The following HIBCH variants were observed in gnomAD, a reference collection of about 807,000 sequenced individuals.
HIBCH encodes 3-hydroxyisobutyryl-CoA hydrolase, mitochondrial.
HIBCH carries 50 observed loss-of-function variants against 58.2 expected under a neutral mutation model. The ratio of observed to expected loss-of-function variants is 0.86; its 90% CI spans 0.68 to 1.09. The LOEUF (loss-of-function observed/expected upper bound fraction) is 1.09, where lower values mean the gene tolerates loss of function less well. HIBCH is among the 50% of genes least tolerant of loss of function. HIBCH has a pLI of 0.00. For missense variants in HIBCH, 450 were observed against 449.7 expected (o/e 1.00, Z -0.01); for synonymous variants, 151 against 146.9 (o/e 1.03, Z -0.20).
Position 190,245,203 on chromosome 2 carries a change from A to G in HIBCH, c.810-235T>C, listed in dbSNP as rs1686571168. 2.0e-5 allele frequency: 9 copies of G among 456,314 alleles called. 1 individual carries two copies. The highest frequency in any genetic ancestry group is 1.9e-4 in the South Asian group (8 of 42,134). 28.3% of individuals were successfully genotyped at this position (456,314 alleles called of 1,614,324 possible). On this transcript the variant is annotated intron_variant, in intron 10 of 13. Coordinates refer to ENST00000359678, the MANE Select transcript of HIBCH (RefSeq NM_014362.4). ...TTTTATTTTTTCTTTTGCATCTGTT[A>G]TATTTCCATGTAAAGAAACAATTCA...
chr2:190,193,504 G>T (rs1318670380), intron 1 of HIBCH, among the ~76,000 whole-genome samples: 2 of 152,072 alleles, frequency 1.3e-5, no homozygotes, highest in African/African-American at 4.8e-5. Context: ...AATGGCCTTG[G>T]TAAGAGTTCT....
intron 8 of HIBCH, chr2:190,251,477 A>C (rs757589605): frequency 1.2e-5 from 5 of 413,012 alleles, no homozygotes; most frequent in African/African-American, 4.3e-5. Context: ...GGGAATTCTG[A>C]GGCAAAACTA....
At chr2:190,250,922 T>G (rs75203173) in intron 8 of HIBCH, among the ~76,000 whole-genome samples, 13 of 152,200 alleles carry the variant, frequency 8.5e-5, no homozygotes, top group Non-Finnish European at 1.9e-4. Context: ...TTTACTTCAA[T>G]GGCCAAAGAG....
intron 11 of HIBCH, chr2:190,220,386 C>T (rs893645755): frequency 1.3e-5 from 2 of 152,106 alleles, no homozygotes; most frequent in African/African-American, 4.8e-5. Context: ...ATGGATAGAA[C>T]AGTATCTTAC....
At chr2:190,280,840 C>T (rs1300699316) in intron 6 of HIBCH, 1 of 152,182 alleles carries the variant, frequency 6.6e-6, no homozygotes, top group Admixed American at 6.5e-5. Flanking sequence ...TCTCAAGTTG[C>T]TTGCTTGGCC....
At chr2:190,237,449 GTAAT>G (rs1338684650) in intron 11 of HIBCH, among the ~76,000 whole-genome samples, 2 of 152,142 alleles carry the variant, frequency 1.3e-5, no homozygotes, top group Non-Finnish European at 2.9e-5. Context: ...AGTTTATTCA[GTAAT>G]TAATATGCAT....
chr2:190,252,272 GC>G lies in HIBCH; in HGVS notation c.552del (p.Leu184PhefsTer14). ...TAACCAAGTTTTCCTTGGAGTCGTG[GC>G]AAGAAATAACCTCCACCCACATCAG... Reference protein sequence around the residue: ...LFPDVGGGYFLPRLQGKLGYF... With the variant: ...LFPDVGGGYFXPRLQGKLGYF... On this transcript the variant is annotated frameshift_variant, in exon 8 of 14. Coordinates refer to ENST00000359678, the MANE Select transcript of HIBCH (RefSeq NM_014362.4). LOFTEE classifies it high-confidence loss of function. 6.2e-7 allele frequency: 1 copy of G among 1,613,294 alleles called. No homozygotes were observed. The highest frequency in any genetic ancestry group is 1.1e-5 in the South Asian group (1 of 91,066).
rs1009954124 is a variant in HIBCH at position 190,306,483 on chromosome 2, A to G, written c.78+4271T>C. Among the ~76,000 whole-genome samples, 1 of 152,092 alleles carries G rather than the reference A, an allele frequency of 6.6e-6. No individual in the cohort carries two copies. The highest frequency in any genetic ancestry group is 1.5e-5 in the Non-Finnish European group (1 of 67,996). ...AGCAGACTTATTTACAGCTTACTAA[A>G]ACCAGCAGGTTTCCCAAATTGCATG... is the stretch of plus-strand genomic sequence containing the variant. On this transcript the variant is annotated intron_variant, in intron 2 of 13. Coordinates refer to ENST00000359678, the MANE Select transcript of HIBCH (RefSeq NM_014362.4). This position sits in a 1 kb window ranked among gnomAD's most constrained non-coding sequence, Gnocchi z 4.6.
At position 190,315,040 on chromosome 2, in the gene HIBCH, C is replaced by T. The variant is rs1688680179; in HGVS notation, c.36-4244G>A. Among the ~76,000 whole-genome samples, 1 of 151,844 alleles carries T rather than the reference C, an allele frequency of 6.6e-6. No individual in the cohort carries two copies. Among genetic ancestry groups the T allele is most frequent in the Non-Finnish European group, 1.5e-5 (1 of 67,962 alleles). ...TCGGCTCACTGCAGGCTCTGCCTTC[C>T]GGGTTCACGCCATTCTCCTGCCTCA... is the stretch of plus-strand genomic sequence containing the variant. On this transcript the variant is annotated intron_variant, in intron 1 of 13. Coordinates refer to ENST00000359678, the MANE Select transcript of HIBCH (RefSeq NM_014362.4). The surrounding 1 kb of genome is among the most constrained non-coding windows in gnomAD (Gnocchi z 5.4).
At chr2:190,203,552 A>G (rs1424964470), downstream of HIBCH, 2 of 155,658 alleles carry the variant, frequency 1.3e-5, no homozygotes, top group African/African-American at 4.8e-5. Context: ...TTTTTTAACA[A>G]TATAAAAGAC....
intron 11 of HIBCH, among the ~76,000 whole-genome samples, chr2:190,237,518 T>C (rs1221960146): frequency 1.3e-5 from 2 of 152,178 alleles, no homozygotes; most frequent in African/African-American, 4.8e-5. Context: ...AACATGTAAA[T>C]ATAAGCATTT....
At chr2:190,208,834 A>C in intron 13 of HIBCH, 46 bp downstream of exon 13, 1 of 1,564,622 alleles carries the variant, frequency 6.4e-7, no homozygotes, top group Admixed American at 1.7e-5. Context: ...GCATATGCTC[A>C]CAAATCCCAT....
intron 10 of HIBCH, chr2:190,245,198 CTGTTA>C (rs1575720639): frequency 2.1e-6 from 1 of 473,640 alleles, no homozygotes; most frequent in South Asian, 2.3e-5. Context: ...TCTTTTGCAT[CTGTTA>C]TATTTCCATG....
At position 190,246,153 on chromosome 2, in the gene HIBCH, C is replaced by T. The variant is rs143746450; in HGVS notation, c.809+1G>A. ...TATAACTGAGATCTCTTTTTAGGTA[C>T]CTGTTTATTTTGTCCATGTGTTCCT... is the stretch of plus-strand genomic sequence containing the variant. On this transcript the variant is annotated splice_donor_variant, in intron 10 of 13. Coordinates refer to ENST00000359678, the MANE Select transcript of HIBCH (RefSeq NM_014362.4). LOFTEE classifies it high-confidence loss of function. 3.2e-5 allele frequency: 49 copies of T among 1,544,988 alleles called. No individual in the cohort carries two copies. Among genetic ancestry groups the T allele is most frequent in the Non-Finnish European group, 4.2e-5 (47 of 1,118,314 alleles).
intron 9 of HIBCH, among the ~76,000 whole-genome samples, chr2:190,249,130 T>C (rs1382282218): frequency 1.3e-5 from 2 of 152,198 alleles, no homozygotes; most frequent in African/African-American, 2.4e-5. Context: ...CCTTTTCTTA[T>C]TCACTTATTA....
At chr2:190,282,385 A>G (rs1220720441) in intron 6 of HIBCH, among the ~76,000 whole-genome samples, 1 of 152,256 alleles carries the variant, frequency 6.6e-6, no homozygotes, top group African/African-American at 2.4e-5. Flanking sequence ...CTTATGTTAC[A>G]TGAAAACATG....
At chr2:190,199,611 G>C (rs1215090543), downstream of HIBCH, 25 of 744,590 alleles carry the variant, frequency 3.4e-5, no homozygotes, top group East Asian at 1.4e-4. Flanking sequence ...TGTGACCAAA[G>C]TGATGAAAGG....
rs181050969 is a variant in HIBCH at position 190,240,945 on chromosome 2, T to C, written c.891+3942A>G. On this transcript the variant is annotated intron_variant, in intron 11 of 13. Coordinates refer to ENST00000359678, the MANE Select transcript of HIBCH (RefSeq NM_014362.4). ...GCTATGTGGTACTGAAAATAACGTA[T>C]ATTATGTTGATTTGGGGTAGAGAGT... Among the ~76,000 whole-genome samples, 236 of 152,334 alleles carry C rather than the reference T, an allele frequency of 1.5e-3. 2 individuals carry two copies. Among genetic ancestry groups the C allele is most frequent in the Non-Finnish European group, 5.6e-4 (38 of 68,040 alleles).
Position 190,315,888 on chromosome 2 carries a change from A to T in HIBCH, c.35+3828T>A, listed in dbSNP as rs1425992553. Among the ~76,000 whole-genome samples the T allele has an allele frequency of 1.3e-5, 2 of 152,240 alleles. No individual in the cohort carries two copies. Among genetic ancestry groups the T allele is most frequent in the East Asian group, 3.8e-4 (2 of 5,202 alleles). On this transcript the variant is annotated intron_variant, in intron 1 of 13. Coordinates refer to ENST00000359678, the MANE Select transcript of HIBCH (RefSeq NM_014362.4). The surrounding 1 kb of genome is among the most constrained non-coding windows in gnomAD (Gnocchi z 5.4). ...AGCTAGCTGGTTTGCAGGACGAAAT[A>T]CAAATTCAATTTTTTGAATTTGAAT...
Sources: allele counts gnomAD v4.1 joint callset (sites outside exome capture counted in the v4.1 genomes callset), GRCh38; gene constraint gnomAD v4.1.1; non-coding constraint Gnocchi (gnomAD v3.1); transcripts MANE v1.5; gene names NCBI Gene and HGNC (gene_info 2026-07-23, HGNC 2026-07-21).